Variants in SEMA4D observed in about 807,000 individuals in gnomAD.
SEMA4D encodes the protein semaphorin 4D, also known as semaphorin-4D.
A neutral mutation model predicts 74.8 loss-of-function variants in SEMA4D; 22 were observed. That is an observed-to-expected ratio of 0.29 (90% CI 0.21 to 0.42). SEMA4D has a LOEUF of 0.42. SEMA4D is among the 10% of genes least tolerant of loss of function. The probability of loss-of-function intolerance (pLI) is 1.00; values close to 1 mark genes in which losing one functional copy is unlikely to be tolerated. For missense variants in SEMA4D, 937 were observed against 1,118.4 expected (o/e 0.84, Z 2.31); for synonymous variants, 445 against 463.7 (o/e 0.96, Z 0.52).
downstream of SEMA4D, chr9:89,376,360 T>G (rs1006768358): frequency 6.6e-6 from 1 of 151,836 alleles, no homozygotes; most frequent in Non-Finnish European, 1.5e-5. Context: ...AGGGAGACCC[T>G]GTCTCTTGAA....
At chr9:89,363,378 G>GC in intron 18 of SEMA4D, 1 of 1,596,240 alleles carries the variant, frequency 6.3e-7, no homozygotes, top group Admixed American at 1.7e-5. Flanking sequence ...TGTGGCAGGT[G>GC]CCCTGCCCCT....
Position 89,449,448 on chromosome 9 carries a change from G to A in SEMA4D, c.-244+6440C>T, listed in dbSNP as rs867179545. 3.8e-5 allele frequency: 24 copies of A among 635,596 alleles called. No individual in the cohort carries two copies. The Middle Eastern group carries it at 3.2e-3, about 84-fold the overall frequency. 39.4% of individuals were successfully genotyped at this position (635,596 alleles called of 1,614,324 possible). A position where few individuals can be genotyped will look rare whatever the true frequency, so the allele number is the denominator to read the frequency against. On this transcript the variant is annotated intron_variant, in intron 2 of 15. Coordinates refer to ENST00000422704, the MANE Select transcript of SEMA4D (RefSeq NM_001371194.2). The stretch of plus-strand genomic sequence containing the variant: ...CTAAAAGACTAAGTTCGCGGCTTTC[G>A]CTGGCCCTCTCCTCGAGGATCGAGG...
downstream of SEMA4D, among the ~76,000 whole-genome samples, chr9:89,372,732 CCA>C (rs1241143690): frequency 6.6e-6 from 1 of 151,998 alleles, no homozygotes; most frequent in African/African-American, 2.4e-5. Flanking sequence ...CCTGACCTGC[CCA>C]CCCCTCTTGT....
chr9:89,387,326 T>C (rs1283596299), intron 12 of SEMA4D, 60 bp downstream of exon 12: 1 of 1,396,222 alleles, frequency 7.2e-7, no homozygotes, highest in Non-Finnish European at 9.9e-7. Context: ...TTCCCAGTTT[T>C]CCTACCAGAG....
intron 2 of SEMA4D, 68 bp downstream of exon 2, chr9:89,455,820 A>G (rs1855800187): frequency 6.6e-6 from 1 of 152,262 alleles, no homozygotes. Context: ...CCGGGACAAG[A>G]CCTTCTGAAA....
intron 16 of SEMA4D, chr9:89,364,448 C>CAA (rs1833260586): frequency 4.6e-6 from 1 of 215,094 alleles, no homozygotes; most frequent in Admixed American, 5.1e-5. Flanking sequence ...GCCTGTCTCT[C>CAA]CAATTGAGAC....
At chr9:89,400,931 T>C (rs1013964978) in intron 4 of SEMA4D, among the ~76,000 whole-genome samples, 2 of 152,020 alleles carry the variant, frequency 1.3e-5, no homozygotes, top group African/African-American at 4.8e-5. Context: ...CAAGACCGAG[T>C]GTGAGCCTGT....
chr9:89,497,398 T>G (rs576964468), intron 1 of SEMA4D: 2 of 152,320 alleles, frequency 1.3e-5, no homozygotes, highest in South Asian at 2.1e-4. Context: ...CGGCGCCGGG[T>G]CCAGTGCACA....
At chr9:89,420,851 A>G (rs1265300199) in intron 2 of SEMA4D, among the ~76,000 whole-genome samples, 2 of 152,196 alleles carry the variant, frequency 1.3e-5, no homozygotes, top group Non-Finnish European at 2.9e-5. Flanking sequence ...TGCCTGTCTC[A>G]TTTGGTTATG....
At position 89,484,503 on chromosome 9, in the gene SEMA4D, T is replaced by C. The variant is rs996293521; in HGVS notation, c.-310+13416A>G. Among the ~76,000 whole-genome samples the C allele has an allele frequency of 1.3e-5, 2 of 150,286 alleles. No homozygotes were observed. The highest frequency in any genetic ancestry group is 1.3e-4 in the Admixed American group (2 of 15,100). ...TATGTGTATGTACCACGTGGTGGGT[T>C]TGTGTAGTGTGTGTGGTGTGTATGG... On this transcript the variant is annotated intron_variant, in intron 1 of 15. Transcript: ENST00000422704. This position sits in a 1 kb window ranked among gnomAD's most constrained non-coding sequence, Gnocchi z 4.1.
chr9:89,450,103 T>C (rs530524512), intron 2 of SEMA4D: 14 of 1,217,652 alleles, frequency 1.1e-5, no homozygotes, highest in African/African-American at 9.0e-5. Context: ...TGCATGCCAA[T>C]AGAAGGTATG....
chr9:89,435,092 T>C (rs774338715), intron 2 of SEMA4D, among the ~76,000 whole-genome samples: 48 of 151,962 alleles, frequency 3.2e-4, no homozygotes, highest in Non-Finnish European at 2.5e-4. Context: ...TACCTGGGCA[T>C]GGGGGAAGGG....
chr9:89,463,147 T>C (rs370687754), intron 1 of SEMA4D, among the ~76,000 whole-genome samples: 1 of 151,914 alleles, frequency 6.6e-6, no homozygotes, highest in African/African-American at 2.4e-5. Flanking sequence ...TCCAATGTGT[T>C]GAGTTCAGAC....
rs915294764 is a variant in SEMA4D, at chr9:89,490,574, G to A, written c.-310+7345C>T. Among the ~76,000 whole-genome samples the A allele has an allele frequency of 3.1e-4, 47 of 152,144 alleles. 1 individual carries two copies. Among genetic ancestry groups the A allele is most frequent in the African/African-American group, 9.4e-4 (39 of 41,418 alleles). ...TTTGTGTTAGATGACTCTGCCCAAC[G>A]GTAGGCTAATATAAGTGTTCTGTGC... On this transcript the variant is annotated intron_variant, in intron 1 of 15. Transcript: ENST00000422704.
chr9:89,378,987 G>A lies in SEMA4D; in HGVS notation c.2306C>T (p.Ser769Leu), dbSNP rs368286346. 3.7e-5 allele frequency: 60 copies of A among 1,613,432 alleles called. No individual in the cohort carries two copies. The highest frequency in any genetic ancestry group is 1.4e-4 in the South Asian group (13 of 91,010). ...CTTCTTCTTCCCAATTAGTAGGGCC[G>A]AGCGGAATTTCAAGCACTGTCTGGG... The part of the protein sequence containing the change: ...YLPRQCLKFR[S>L]ALLIGKKKPK... The change falls in exon 16 of 16, where the codon TCG becomes TTG. Residue 769 changes from serine to leucine, a missense_variant. Coordinates refer to ENST00000422704, the MANE Select transcript of SEMA4D (RefSeq NM_001371194.2).
chr9:89,496,943 G>A (rs1396194866), intron 1 of SEMA4D, among the ~76,000 whole-genome samples: 1 of 152,230 alleles, frequency 6.6e-6, no homozygotes, highest in Non-Finnish European at 1.5e-5. Flanking sequence ...GCCTTCGGGG[G>A]CCTGGCCACC....
intron 1 of SEMA4D, among the ~76,000 whole-genome samples, chr9:89,489,586 T>C (rs1230564022): frequency 6.6e-6 from 1 of 152,236 alleles, no homozygotes; most frequent in Non-Finnish European, 1.5e-5. Context: ...TTCATATCAA[T>C]GAAATAATAC....
At position 89,378,973 on chromosome 9, in the gene SEMA4D, C is replaced by T. The variant is rs377709548; in HGVS notation, c.2320G>A (p.Gly774Arg). 1 of 1,613,992 alleles carries T rather than the reference C, an allele frequency of 6.2e-7. No individual in the cohort carries two copies. The highest frequency in any genetic ancestry group is 1.1e-5 in the South Asian group (1 of 91,060). ...AAATCTGACTTGGGCTTCTTCTTCCCAATTAGTAGGGCCGAGCGGAATTTC... is the reference window on the plus strand; with the variant it reads ...AAATCTGACTTGGGCTTCTTCTTCCTAATTAGTAGGGCCGAGCGGAATTTC... ...CLKFRSALLI[G>R]KKKPKSDFCD... is the part of the protein sequence containing the mutation. Residue 774 changes from glycine (G) to arginine (R), a missense_variant, in exon 16 of 16, where the codon GGG becomes AGG. Physicochemically the swap from Gly to Arg is moderately radical, Grantham distance 125. Coordinates refer to ENST00000422704, the MANE Select transcript of SEMA4D (RefSeq NM_001371194.2).
chr9:89,387,145 C>T (rs28402866), intron 12 of SEMA4D: 35,312 of 475,168 alleles, frequency 0.074, 2,687 homozygotes, highest in African/African-American at 0.2. Flanking sequence ...AGCCCAGCCA[C>T]AGGCCAGGAC....
Sources: allele counts gnomAD v4.1 joint callset (sites outside exome capture counted in the v4.1 genomes callset), GRCh38; gene constraint gnomAD v4.1.1; non-coding constraint Gnocchi (gnomAD v3.1); transcripts MANE v1.5; gene names NCBI Gene and HGNC (gene_info 2026-07-23, HGNC 2026-07-21).